Variants in ROBO1 observed in about 807,000 individuals in gnomAD.
ROBO1 encodes roundabout homolog 1.
Under a neutral mutation model 195.9 loss-of-function variants are expected in ROBO1, and 149 were observed. The observed-to-expected ratio is 0.76, with a 90% CI of 0.67 to 0.87. The LOEUF (loss-of-function observed/expected upper bound fraction) is 0.87. Ranked by LOEUF, ROBO1 falls within the 40% of genes least tolerant of loss-of-function variation. The pLI is 0.00. For missense variants in ROBO1, 1,933 were observed against 2,068.3 expected (o/e 0.93, Z 1.27); for synonymous variants, 816 against 733.2 (o/e 1.11, Z -1.82).
intron 1 of ROBO1, among the ~76,000 whole-genome samples, chr3:79,761,635 T>G (rs1704704927): frequency 1.3e-5 from 2 of 152,216 alleles, no homozygotes; most frequent in Non-Finnish European, 2.9e-5. Flanking sequence ...CACATGTGAT[T>G]ACTGAAATTC....
chr3:78,699,395 C>CAAAAAAAAAAAAAAAAAAAA, intron 8 of ROBO1, among the ~76,000 whole-genome samples: 1 of 83,052 alleles, frequency 1.2e-5, no homozygotes, highest in Non-Finnish European at 2.2e-5. Context: ...ACTAAAAATA[C>CAAAAAAAAAAAAAAAAAAAA]AAAAAAAAAA....
intron 2 of ROBO1, among the ~76,000 whole-genome samples, chr3:79,420,243 G>A (rs2038171943): frequency 6.6e-6 from 1 of 151,872 alleles, no homozygotes; most frequent in African/African-American, 2.4e-5. Context: ...TATATACAGA[G>A]GAATATTAAA....
At chr3:79,755,419 AAAAAC>A (rs2107495736) in intron 1 of ROBO1, among the ~76,000 whole-genome samples, 1 of 152,232 alleles carries the variant, frequency 6.6e-6, no homozygotes, top group South Asian at 2.1e-4. Context: ...TCTGAAAACA[AAAAAC>A]AAAACAAAAA....
intron 2 of ROBO1, among the ~76,000 whole-genome samples, chr3:79,268,259 A>T (rs2030177376): frequency 6.6e-6 from 1 of 151,716 alleles, no homozygotes; most frequent in Admixed American, 6.6e-5. Context: ...ATTCAGACAC[A>T]TCAAAATTGT....
chr3:79,252,110 CTATT>C (rs1446940525), intron 2 of ROBO1, among the ~76,000 whole-genome samples: 2 of 151,730 alleles, frequency 1.3e-5, no homozygotes, highest in African/African-American at 4.8e-5. Context: ...TGAAGAATGA[CTATT>C]TAGATTTTGT....
chr3:78,629,230 C>T lies in ROBO1; in HGVS notation c.3627-1661G>A, dbSNP rs150876587. ...GATCAAGAACAAATGTAGCCAATCA[C>T]GAAACCTTCATTCTTCTCAGTTAGA... On this transcript the variant is annotated intron_variant, in intron 25 of 30. Coordinates refer to ENST00000464233, the MANE Select transcript of ROBO1 (RefSeq NM_002941.4). 2.0e-3 allele frequency among the ~76,000 whole-genome samples: 309 copies of T among 152,282 alleles called. 1 individual carries two copies. The highest frequency in any genetic ancestry group is 7.1e-3 in the African/African-American group (294 of 41,562).
In ROBO1 at chr3:79,744,880, T is replaced by G. The variant is rs148472614; in HGVS notation, c.-51+22872A>C. ...ATGAATGATAAAAAATTACAATATT[T>G]TGGATCATATATATACATATGGTCA... On this transcript the variant is annotated intron_variant, in intron 1 of 30. Coordinates refer to ENST00000464233, the MANE Select transcript of ROBO1 (RefSeq NM_002941.4). 7.5e-3 allele frequency among the ~76,000 whole-genome samples: 1,135 copies of G among 152,050 alleles called. 6 individuals carry two copies. The highest frequency in any genetic ancestry group is 0.012 in the Non-Finnish European group (790 of 67,990).
At chr3:79,324,872 G>C (rs2034139168) in intron 2 of ROBO1, among the ~76,000 whole-genome samples, 1 of 152,210 alleles carries the variant, frequency 6.6e-6, no homozygotes, top group African/African-American at 2.4e-5. Context: ...TGGCATCCGT[G>C]CAGAGAATGG....
intron 2 of ROBO1, among the ~76,000 whole-genome samples, chr3:79,449,044 C>T (rs751552684): frequency 3.9e-5 from 6 of 151,946 alleles, no homozygotes; most frequent in Non-Finnish European, 8.8e-5. Flanking sequence ...AGCTGGGCAC[C>T]ATAGGGAGAT....
intron 10 of ROBO1, among the ~76,000 whole-genome samples, chr3:78,677,244 G>A (rs1242004974): frequency 1.3e-5 from 2 of 152,128 alleles, no homozygotes; most frequent in African/African-American, 4.8e-5. Context: ...GACCATCAAG[G>A]CTAGGAAGAA....
chr3:79,708,036 C>T lies in ROBO1; in HGVS notation c.-51+59716G>A, dbSNP rs530730463. The stretch of plus-strand genomic sequence containing the variant: ...GGTATTCTGTTTTCCTTTTAAGAAA[C>T]TGATGAAAGAGTTAAGAATATGCCA... On this transcript the variant is annotated intron_variant, in intron 1 of 30. Coordinates refer to ENST00000464233, the MANE Select transcript of ROBO1 (RefSeq NM_002941.4). Among the ~76,000 whole-genome samples, 411 of 152,098 alleles carry T rather than the reference C, an allele frequency of 2.7e-3. 2 individuals are homozygous for T. Among genetic ancestry groups the T allele is most frequent in the Non-Finnish European group, 3.8e-3 (256 of 68,008 alleles).
chr3:78,984,855 T>A (rs1303668342), intron 3 of ROBO1, among the ~76,000 whole-genome samples: 1 of 152,136 alleles, frequency 6.6e-6, no homozygotes, highest in Non-Finnish European at 1.5e-5. Context: ...CAACATGAGT[T>A]TGAACTGTGT....
At chr3:78,747,015 G>T in intron 4 of ROBO1, 115 bp from the exon 5 acceptor site, 2 of 571,646 alleles carry the variant, frequency 3.5e-6, no homozygotes, top group Non-Finnish European at 5.4e-6. Flanking sequence ...AATAGCTCTT[G>T]CAATACAGCT....
Position 78,668,558 on chromosome 3 carries a change from T to C in ROBO1, c.1556A>G (p.Asp519Gly), listed in dbSNP as rs1283340553. 1 of 1,613,464 alleles carries C rather than the reference T, an allele frequency of 6.2e-7. No homozygotes were observed. Among genetic ancestry groups the C allele is most frequent in the Non-Finnish European group, 8.5e-7 (1 of 1,179,660 alleles). ...VLQIRYAKLGDTGRYTCIAST... is the reference protein window; with the variant it reads ...VLQIRYAKLGGTGRYTCIAST... ...TGCAATGCAGGTGTACCGACCAGTA[T>C]CACCCAGCTGAGAAGGCAGACAAAA... The change falls in exon 12 of 31, where the codon GAT becomes GGT. Residue 519 changes from aspartate to glycine, a missense_variant. Transcript: ENST00000464233.
intron 2 of ROBO1, among the ~76,000 whole-genome samples, chr3:79,262,981 G>A (rs1412683595): frequency 6.6e-6 from 1 of 152,062 alleles, no homozygotes; most frequent in Non-Finnish European, 1.5e-5. Flanking sequence ...TGCTAGAAAA[G>A]ATTAGAGAGT....
chr3:79,023,869 A>ATT (rs569045261), intron 3 of ROBO1, among the ~76,000 whole-genome samples: 6 of 135,000 alleles, frequency 4.4e-5, no homozygotes, highest in East Asian at 2.2e-4. Flanking sequence ...ACACCCGGCT[A>ATT]TTTTTTTTTT....
chr3:78,670,137 T>A lies in ROBO1; in HGVS notation c.1507A>T (p.Lys503Ter). ...TGCAGTACTCCATTCTCCAACTGTT[T>A]GATTCGAGAGTCTTGGGTTGAAACG... ...VLVSTQDSRI[K>*]QLENGVLQIR... The change falls in exon 11 of 31, where the codon AAA becomes TAA. Residue 503 changes from lysine to a stop codon, truncating the protein, a stop_gained. Coordinates refer to ENST00000464233, the MANE Select transcript of ROBO1 (RefSeq NM_002941.4). LOFTEE classifies it high-confidence loss of function. 6.2e-7 allele frequency: 1 copy of A among 1,613,538 alleles called. No individual in the cohort carries two copies. The highest frequency in any genetic ancestry group is 8.5e-7 in the Non-Finnish European group (1 of 1,179,704).
At chr3:78,893,663 AAG>A (rs2037050534) in intron 4 of ROBO1, among the ~76,000 whole-genome samples, 2 of 152,234 alleles carry the variant, frequency 1.3e-5, no homozygotes, top group African/African-American at 4.8e-5. Flanking sequence ...AATAACGTCT[AAG>A]TTAAAACAAT....
At chr3:79,591,625 C>G (rs1284049018) in intron 1 of ROBO1, among the ~76,000 whole-genome samples, 2 of 151,912 alleles carry the variant, frequency 1.3e-5, no homozygotes, top group East Asian at 3.9e-4. Flanking sequence ...CATTATAAAC[C>G]TAGATTAATA....
Sources: allele counts gnomAD v4.1 joint callset (sites outside exome capture counted in the v4.1 genomes callset), GRCh38; gene constraint gnomAD v4.1.1; transcripts MANE v1.5; gene names NCBI Gene and HGNC (gene_info 2026-07-23, HGNC 2026-07-21).